Variants in BMP8A observed in about 807,000 individuals in gnomAD.
The protein encoded by BMP8A is bone morphogenetic protein 8a, also known as BMP-8A.
Under a neutral mutation model 36.8 loss-of-function variants are expected in BMP8A, and 14 were observed. The observed-to-expected ratio is 0.38, with a 90% CI of 0.25 to 0.60. The LOEUF is 0.60. Ranked by LOEUF, BMP8A falls within the 20% of genes least tolerant of loss-of-function variation. The probability of loss-of-function intolerance (pLI) is 0.63; values close to 1 mark genes in which losing one functional copy is unlikely to be tolerated. For missense variants in BMP8A, 267 were observed against 551.1 expected (o/e 0.48, Z 5.16); for synonymous variants, 120 against 237.7 (o/e 0.50, Z 4.55).
intron 1 of BMP8A, among the ~76,000 whole-genome samples, chr1:39,500,879 C>T (rs1474052813): frequency 6.6e-6 from 1 of 152,272 alleles, no homozygotes; most frequent in East Asian, 1.9e-4. Flanking sequence ...GTCTCAACCT[C>T]CTGACCTCAG....
intron 1 of BMP8A, among the ~76,000 whole-genome samples, chr1:39,508,442 T>C (rs888576189): frequency 6.6e-6 from 1 of 152,184 alleles, no homozygotes; most frequent in Admixed American, 6.5e-5. Context: ...CCCTGCCCTT[T>C]CACAGCCCTG....
chr1:39,523,555 C>T (rs1322883165), intron 6 of BMP8A: 1 of 1,385,484 alleles, frequency 7.2e-7, no homozygotes, highest in East Asian at 2.9e-5. Context: ...CGTGTGCACT[C>T]ACCCACCTGT....
intron 1 of BMP8A, among the ~76,000 whole-genome samples, chr1:39,504,673 A>G (rs1313740657): frequency 6.6e-6 from 1 of 152,210 alleles, no homozygotes; most frequent in Non-Finnish European, 1.5e-5. Flanking sequence ...GAAAAGAAAT[A>G]AGACACAGAG....
intron 3 of BMP8A, chr1:39,516,556 A>G (rs1645396483): frequency 7.4e-7 from 1 of 1,354,402 alleles, no homozygotes; most frequent in Non-Finnish European, 9.5e-7. Context: ...CCCCAGGGGA[A>G]TACATGTCCC....
rs1438787377 is a variant in BMP8A, at chr1:39,527,522, G to A, written c.*1724G>A. ...GCTGCACCCCCAGGGAGGGGCCTGG[G>A]GAGAGCTGGTCCAGCAGCAGGGGTG... is the stretch of plus-strand genomic sequence containing the variant. On this transcript the variant is annotated 3_prime_UTR_variant, in exon 7 of 7. Coordinates refer to ENST00000331593, the MANE Select transcript of BMP8A (RefSeq NM_181809.4). Among the ~76,000 whole-genome samples the A allele has an allele frequency of 7.2e-5, 11 of 152,352 alleles. No individual in the cohort carries two copies. The highest frequency in any genetic ancestry group is 2.4e-4 in the African/African-American group (10 of 41,586).
At chr1:39,494,015 T>C (rs528173246) in intron 1 of BMP8A, among the ~76,000 whole-genome samples, 4 of 152,372 alleles carry the variant, frequency 2.6e-5, no homozygotes, top group East Asian at 1.9e-4. Context: ...GTTCCTCACC[T>C]TCTCAGCCTT....
intron 1 of BMP8A, among the ~76,000 whole-genome samples, chr1:39,493,121 T>C (rs993926599): frequency 1.4e-4 from 21 of 152,156 alleles, no homozygotes; most frequent in Admixed American, 7.2e-4. Context: ...GTTGGTCAGG[T>C]CCCCCGTCTG....
intron 3 of BMP8A, among the ~76,000 whole-genome samples, chr1:39,517,718 T>C (rs1217959579): frequency 6.6e-6 from 1 of 151,726 alleles, no homozygotes; most frequent in Non-Finnish European, 1.5e-5. Context: ...TCTCTCCTCC[T>C]GGGACCTATG....
At chr1:39,523,800 T>G (rs1645454978) in intron 6 of BMP8A, 1 of 973,904 alleles carries the variant, frequency 1.0e-6, no homozygotes, top group Admixed American at 4.5e-5. Context: ...CTTCTAGAAG[T>G]TTTTACCTAG....
intron 1 of BMP8A, among the ~76,000 whole-genome samples, chr1:39,505,618 T>G (rs984654597): frequency 6.6e-6 from 1 of 152,138 alleles, no homozygotes; most frequent in African/African-American, 2.4e-5. Flanking sequence ...ATAACTTCAT[T>G]TTAAACATGA....
At position 39,525,611 on chromosome 1, in the gene BMP8A, T is replaced by C; in HGVS notation, c.1060-38T>C. On this transcript the variant is annotated intron_variant, in intron 6 of 6. Transcript: ENST00000331593. ...TAGGTGGGTCCTCAGAGGAGGCCACTGGCCTCATGCCCCTGCCTGTGCTCC... is the reference window on the plus strand; with the variant it reads ...TAGGTGGGTCCTCAGAGGAGGCCACCGGCCTCATGCCCCTGCCTGTGCTCC... 3 of 1,609,780 alleles carry C rather than the reference T, an allele frequency of 1.9e-6. No homozygotes were observed. The South Asian group carries it at 3.3e-5, about 18-fold the overall frequency.
intron 1 of BMP8A, among the ~76,000 whole-genome samples, chr1:39,493,076 T>G (rs1645175352): frequency 6.6e-6 from 1 of 152,214 alleles, no homozygotes; most frequent in African/African-American, 2.4e-5. Flanking sequence ...TCTTTTCCAG[T>G]ACTAAACTCT....
rs145074194 is a variant in BMP8A at position 39,528,091 on chromosome 1, G to A, written c.*2293G>A. Among the ~76,000 whole-genome samples the A allele has an allele frequency of 2.6e-3, 402 of 152,334 alleles. 3 individuals are homozygous for A. Among genetic ancestry groups the A allele is most frequent in the African/African-American group, 9.2e-3 (381 of 41,566 alleles). On this transcript the variant is annotated 3_prime_UTR_variant, in exon 7 of 7. Coordinates refer to ENST00000331593, the MANE Select transcript of BMP8A (RefSeq NM_181809.4). ...ACCTGGCATGGTTTGGGTGTGCTAG[G>A]AGTTTGTGAAATGAATGTTTTCAAG...
chr1:39,499,681 G>A (rs1645236756), intron 1 of BMP8A, among the ~76,000 whole-genome samples: 1 of 152,236 alleles, frequency 6.6e-6, no homozygotes, highest in African/African-American at 2.4e-5. Flanking sequence ...CTTATCCGAG[G>A]CTGGAGGAGG....
In BMP8A at chr1:39,526,511, G is replaced by A. The variant is rs1000658300; in HGVS notation, c.*713G>A. Among the ~76,000 whole-genome samples, 4 of 152,106 alleles carry A rather than the reference G, an allele frequency of 2.6e-5. No homozygotes were observed. The highest frequency in any genetic ancestry group is 9.7e-5 in the African/African-American group (4 of 41,434). On this transcript the variant is annotated 3_prime_UTR_variant, in exon 7 of 7. Coordinates refer to ENST00000331593, the MANE Select transcript of BMP8A (RefSeq NM_181809.4). ...CCACCACCACGCCCAGCTCATTCTT[G>A]TATTTTTAGTAGAGACGGGGTTTCA... is the stretch of plus-strand genomic sequence containing the variant.
chr1:39,525,119 G>C (rs1438933038), intron 6 of BMP8A: 2 of 155,730 alleles, frequency 1.3e-5, no homozygotes, highest in Non-Finnish European at 2.8e-5. Flanking sequence ...GGCACATGCA[G>C]GGCCTTGAAG....
At chr1:39,518,901 GCT>G (rs1313466966) in intron 3 of BMP8A, among the ~76,000 whole-genome samples, 2 of 116,244 alleles carry the variant, frequency 1.7e-5, no homozygotes, top group Non-Finnish European at 3.4e-5. Flanking sequence ...GACAGTTGCT[GCT>G]CTCTCTGGGC....
chr1:39,517,595 C>T (rs1397046194), intron 3 of BMP8A, among the ~76,000 whole-genome samples: 1 of 152,194 alleles, frequency 6.6e-6, no homozygotes, highest in Non-Finnish European at 1.5e-5. Flanking sequence ...AAAGTACAGG[C>T]TTGAGCCATT....
chr1:39,497,721 G>A (rs1354031221), intron 1 of BMP8A, among the ~76,000 whole-genome samples: 1 of 152,152 alleles, frequency 6.6e-6, no homozygotes, highest in East Asian at 1.9e-4. Flanking sequence ...CCTGAGAACA[G>A]GACCAATTCT....
Sources: gnomAD v4.1 joint callset for allele counts (sites outside exome capture counted in the v4.1 genomes callset) on GRCh38, gnomAD v4.1.1 for gene constraint, MANE v1.5 for transcripts, NCBI Gene and HGNC (gene_info 2026-07-23, HGNC 2026-07-21) for gene names.